GRAP2: variants seen among roughly 807,000 people sequenced by gnomAD.
The protein encoded by GRAP2 is GRB2-related adapter protein 2.
A neutral mutation model predicts 43.5 loss-of-function variants in GRAP2; 31 were observed. The observed-to-expected ratio is 0.71, with a 90% CI of 0.54 to 0.96. The LOEUF (loss-of-function observed/expected upper bound fraction) is 0.96. Ranked by LOEUF, GRAP2 falls within the 40% of genes least tolerant of loss-of-function variation. GRAP2 has a pLI of 0.00. For synonymous variants in GRAP2, 156 were observed against 164.8 expected (o/e 0.95, Z 0.41); for missense variants, 371 against 424.4 (o/e 0.87, Z 1.11).
At chr22:39,922,024 T>G (rs1330768924) in intron 1 of GRAP2, among the ~76,000 whole-genome samples, 1 of 152,234 alleles carries the variant, frequency 6.6e-6, no homozygotes, top group African/African-American at 2.4e-5. Context: ...AATTCTCAGA[T>G]GCATAGTTTA....
At chr22:39,919,004 G>A (rs572416609) in intron 1 of GRAP2, among the ~76,000 whole-genome samples, 20 of 152,294 alleles carry the variant, frequency 1.3e-4, no homozygotes, top group Non-Finnish European at 2.1e-4. Context: ...GGGGCTGGCT[G>A]CCGTGACTCA....
rs541996328 is a variant in GRAP2 at position 39,956,567 on chromosome 22, A to G, written c.170+657A>G. ...GAGTGCAGTGGCATGATCTCGGCTC[A>G]TTGCAATTCTCCTGCCTCAGCCTCC... is the stretch of plus-strand genomic sequence containing the variant. On this transcript the variant is annotated intron_variant, in intron 3 of 7. Coordinates refer to ENST00000344138, the MANE Select transcript of GRAP2 (RefSeq NM_004810.4). Among the ~76,000 whole-genome samples, 3 of 149,664 alleles carry G rather than the reference A, an allele frequency of 2.0e-5. No individual in the cohort carries two copies. The East Asian group carries it at 6.0e-4, about 30-fold the overall frequency.
chr22:39,968,205 C>A lies in GRAP2; in HGVS notation c.623C>A (p.Ala208Asp). The A allele has an allele frequency of 1.2e-6, 2 of 1,604,280 alleles. No individual in the cohort carries two copies. Among genetic ancestry groups the A allele is most frequent in the South Asian group, 2.2e-5 (2 of 90,734 alleles). Residue 208 changes from alanine (A) to aspartate (D), a missense_variant, in exon 6 of 8, where the codon GCC becomes GAC. By Grantham distance (126) the Ala-to-Asp change is moderately radical. Coordinates refer to ENST00000344138, the MANE Select transcript of GRAP2 (RefSeq NM_004810.4). ...HQHQPQPPQYAPAPQQLQQPP... is the reference protein window; with the variant it reads ...HQHQPQPPQYDPAPQQLQQPP... ...CACCAGCCACAGCCTCCGCAATATG[C>A]CCCAGCGCCCCAGCAGCTGCAGCAG...
At chr22:39,951,107 G>A (rs2066977702) in intron 2 of GRAP2, among the ~76,000 whole-genome samples, 1 of 147,840 alleles carries the variant, frequency 6.8e-6, no homozygotes, top group African/African-American at 2.5e-5. Flanking sequence ...AGTGCAATCA[G>A]CAGGTGCTCA....
intron 1 of GRAP2, among the ~76,000 whole-genome samples, chr22:39,937,337 C>G (rs913986769): frequency 6.6e-6 from 1 of 152,096 alleles, no homozygotes; most frequent in Admixed American, 6.5e-5. Flanking sequence ...TTCTGTTTCT[C>G]CATCCACCAT....
At chr22:39,898,646 G>A (rs1294064210), upstream of GRAP2, among the ~76,000 whole-genome samples, 2 of 151,998 alleles carry the variant, frequency 1.3e-5, no homozygotes, top group Non-Finnish European at 2.9e-5. Context: ...AACCTCAGCT[G>A]TCCTAAAAAT....
chr22:39,902,630 A>G (rs2066500151), intron 1 of GRAP2, among the ~76,000 whole-genome samples: 1 of 152,168 alleles, frequency 6.6e-6, no homozygotes, highest in East Asian at 1.9e-4. Flanking sequence ...CCCAAATTGT[A>G]ATAGATTTTA....
intron 2 of GRAP2, chr22:39,948,536 A>C (rs1341691734): frequency 6.6e-6 from 1 of 152,090 alleles, no homozygotes; most frequent in Non-Finnish European, 1.5e-5. Context: ...AAAAAAAAAA[A>C]AAACTTTGCT....
chr22:39,930,009 C>T (rs1422786489), intron 1 of GRAP2, among the ~76,000 whole-genome samples: 2 of 152,086 alleles, frequency 1.3e-5, no homozygotes, highest in Non-Finnish European at 2.9e-5. Flanking sequence ...AAATACACAC[C>T]AGATTTCAAA....
intron 1 of GRAP2, among the ~76,000 whole-genome samples, chr22:39,935,163 T>G (rs1601710480): frequency 6.6e-6 from 1 of 152,364 alleles, no homozygotes; most frequent in South Asian, 2.1e-4. Context: ...TTGGGATTTG[T>G]GATTCTCATT....
At chr22:39,925,999 C>T (rs900268866) in intron 1 of GRAP2, among the ~76,000 whole-genome samples, 1 of 152,200 alleles carries the variant, frequency 6.6e-6, no homozygotes, top group Admixed American at 6.5e-5. Flanking sequence ...TGCTACCCTG[C>T]ATAGGGCTCA....
chr22:39,931,756 G>A (rs2066757611), intron 1 of GRAP2, among the ~76,000 whole-genome samples: 1 of 152,172 alleles, frequency 6.6e-6, no homozygotes, highest in South Asian at 2.1e-4. Flanking sequence ...GAGTTTAGAA[G>A]ATTTCTGCTT....
intron 7 of GRAP2, 56 bp from the exon 8 acceptor site, chr22:39,970,848 TC>T: frequency 6.9e-7 from 1 of 1,439,804 alleles, no homozygotes; most frequent in Non-Finnish European, 9.4e-7. Context: ...CAGCAGACCC[TC>T]CCCTGCCTGC....
chr22:39,936,547 C>G (rs2066808257), intron 1 of GRAP2, among the ~76,000 whole-genome samples: 1 of 152,080 alleles, frequency 6.6e-6, no homozygotes, highest in Non-Finnish European at 1.5e-5. Flanking sequence ...TACACTTTCT[C>G]TAACTGGATT....
intron 4 of GRAP2, chr22:39,964,521 GA>G: frequency 1.1e-6 from 1 of 927,680 alleles, no homozygotes; most frequent in Admixed American, 1.8e-5. Flanking sequence ...AGGTCGTGGG[GA>G]AGGGGCCTCT....
At chr22:39,950,136 A>G (rs1366121780) in intron 2 of GRAP2, among the ~76,000 whole-genome samples, 4 of 152,032 alleles carry the variant, frequency 2.6e-5, no homozygotes, top group African/African-American at 9.7e-5. Flanking sequence ...CCTCTCCCCT[A>G]TATACTCTGA....
At chr22:39,955,576 G>T (rs2067040264) in intron 2 of GRAP2, among the ~76,000 whole-genome samples, 1 of 152,184 alleles carries the variant, frequency 6.6e-6, no homozygotes, top group Non-Finnish European at 1.5e-5. Context: ...ACAGTGGGGT[G>T]ACATGAGTGG....
chr22:39,910,808 C>T (rs1411006783), intron 1 of GRAP2, among the ~76,000 whole-genome samples: 1 of 151,894 alleles, frequency 6.6e-6, no homozygotes, highest in Admixed American at 6.6e-5. Flanking sequence ...TTCACTCGAT[C>T]ATTTTGATAA....
At chr22:39,902,785 CT>C (rs2066500944) in intron 1 of GRAP2, among the ~76,000 whole-genome samples, 1 of 152,180 alleles carries the variant, frequency 6.6e-6, no homozygotes, top group Non-Finnish European at 1.5e-5. Context: ...TTCAATTGTT[CT>C]GTCTACCTCG....
Sources: allele counts gnomAD v4.1 joint callset (sites outside exome capture counted in the v4.1 genomes callset), GRCh38; gene constraint gnomAD v4.1.1; transcripts MANE v1.5; gene names NCBI Gene and HGNC (gene_info 2026-07-23, HGNC 2026-07-21).